The following NLGN1 variants were observed in gnomAD, a reference collection of about 807,000 sequenced individuals.
NLGN1 encodes the protein neuroligin 1.
In NLGN1, 12 loss-of-function variants were observed where a neutral mutation model predicts 65.5. The ratio of observed to expected loss-of-function variants is 0.18; its 90% CI spans 0.12 to 0.30. NLGN1 has a LOEUF of 0.30. NLGN1 is among the 10% of genes least tolerant of loss of function. The pLI, the probability that NLGN1 is intolerant of heterozygous loss-of-function variation, is 1.00. For synonymous variants in NLGN1, 350 were observed against 359.5 expected (o/e 0.97, Z 0.30); for missense variants, 750 against 1,007.1 (o/e 0.74, Z 3.46).
At chr3:174,066,374 T>C (rs1454378548) in intron 4 of NLGN1, among the ~76,000 whole-genome samples, 1 of 152,100 alleles carries the variant, frequency 6.6e-6, no homozygotes, top group Non-Finnish European at 1.5e-5. Context: ...AGATAAGGTA[T>C]TTATTTCAAA....
rs184031587 is a variant in NLGN1, at chr3:174,055,620, C to T, written c.647-219695C>T. 7.9e-5 allele frequency among the ~76,000 whole-genome samples: 12 copies of T among 152,118 alleles called. 1 individual carries two copies. The East Asian group carries it at 2.3e-3, about 29-fold the overall frequency. On this transcript the variant is annotated intron_variant, in intron 4 of 6. Transcript: ENST00000457714. ...CATTCCTGTGTTCAGTCCACAGCTC[C>T]TAAGCAACAATTGAATGCCATATAC...
intron 4 of NLGN1, among the ~76,000 whole-genome samples, chr3:174,176,015 C>T (rs73035664): frequency 0.016 from 2,289 of 143,150 alleles, 57 homozygotes; most frequent in African/African-American, 0.053. Context: ...CCTACTTAAA[C>T]ATAAACAACT....
At chr3:174,281,314 GAAAC>G in exon 7 of NLGN1, 1 of 1,563,352 alleles carries the variant, frequency 6.4e-7, no homozygotes, top group Non-Finnish European at 8.8e-7. Flanking sequence ...CCAGATAAGA[GAAAC>G]AAACTATTTT....
chr3:173,829,739 G>T (rs1289365229), intron 4 of NLGN1, among the ~76,000 whole-genome samples: 1 of 152,056 alleles, frequency 6.6e-6, no homozygotes, highest in African/African-American at 2.4e-5. Context: ...TCTGTGCTCT[G>T]GTAGAATTTA....
At chr3:174,275,429 G>T in exon 5 of NLGN1, 1 of 1,612,628 alleles carries the variant, frequency 6.2e-7, no homozygotes, top group Non-Finnish European at 8.5e-7. Context: ...GACCCCTTAA[G>T]AATCACTGTT....
chr3:173,610,248 T>C (rs1752080205), intron 3 of NLGN1, among the ~76,000 whole-genome samples: 1 of 151,944 alleles, frequency 6.6e-6, no homozygotes, highest in Admixed American at 6.6e-5. Context: ...ATGTTTTTTA[T>C]CTGAATACCT....
intron 3 of NLGN1, chr3:173,695,557 C>G: frequency 2.9e-6 from 1 of 346,830 alleles, no homozygotes; most frequent in Non-Finnish European, 5.7e-6. Context: ...TTTTTCAGTG[C>G]CTCTTACACT....
intron 3 of NLGN1, among the ~76,000 whole-genome samples, chr3:173,713,298 T>C (rs1321600287): frequency 6.6e-6 from 1 of 152,170 alleles, no homozygotes. Flanking sequence ...GTTTTCTTTA[T>C]GCAATGAAAT....
In NLGN1 at chr3:173,802,901, G is replaced by A. The variant is rs558119939; in HGVS notation, c.494-4779G>A. Among the ~76,000 whole-genome samples, 21 of 151,268 alleles carry A rather than the reference G, an allele frequency of 1.4e-4. No individual in the cohort carries two copies. In the East Asian group the frequency reaches 2.7e-3, roughly 20 times the overall value. ...GTCATGGAGACTGGAGGGCAGTGGC[G>A]TGATCTTGGCTCACTGCAACCTCCG... On this transcript the variant is annotated intron_variant, in intron 3 of 6. Transcript: ENST00000457714.
At chr3:174,118,430 G>T (rs1717025206) in intron 4 of NLGN1, among the ~76,000 whole-genome samples, 1 of 151,968 alleles carries the variant, frequency 6.6e-6, no homozygotes, top group South Asian at 2.1e-4. Context: ...CAGGCTCTGA[G>T]AATTAAAACA....
At chr3:174,131,184 A>C (rs2152671125) in intron 4 of NLGN1, among the ~76,000 whole-genome samples, 1 of 152,356 alleles carries the variant, frequency 6.6e-6, no homozygotes, top group South Asian at 2.1e-4. Context: ...TAATGTACGA[A>C]ATACATGGAA....
intron 4 of NLGN1, among the ~76,000 whole-genome samples, chr3:173,998,410 G>A (rs1018604899): frequency 2.6e-5 from 4 of 152,144 alleles, no homozygotes; most frequent in African/African-American, 7.2e-5. Flanking sequence ...GAGGTAATTC[G>A]TAATGTTCTG....
At chr3:173,432,787 T>C (rs1255787852) in intron 1 of NLGN1, among the ~76,000 whole-genome samples, 1 of 152,148 alleles carries the variant, frequency 6.6e-6, no homozygotes, top group African/African-American at 2.4e-5. Context: ...TAAAAGTTAA[T>C]GCCAAACCCA....
chr3:174,191,333 G>A (rs1462590429), intron 4 of NLGN1, among the ~76,000 whole-genome samples: 2 of 152,110 alleles, frequency 1.3e-5, no homozygotes, highest in African/African-American at 2.4e-5. Flanking sequence ...TTATGCATGC[G>A]AGGGAATCAA....
intron 3 of NLGN1, among the ~76,000 whole-genome samples, chr3:173,788,407 T>G (rs1711781221): frequency 1.3e-5 from 2 of 151,966 alleles, no homozygotes; most frequent in South Asian, 4.1e-4. Context: ...AATTAACCTA[T>G]TTTTTTAGTT....
chr3:173,952,963 G>C (rs1368130020), intron 4 of NLGN1, among the ~76,000 whole-genome samples: 1 of 152,014 alleles, frequency 6.6e-6, no homozygotes, highest in Non-Finnish European at 1.5e-5. Flanking sequence ...ATCTTTAGTA[G>C]AGACGGGGTT....
At chr3:174,079,193 A>G (rs531367216) in intron 4 of NLGN1, among the ~76,000 whole-genome samples, 1 of 148,232 alleles carries the variant, frequency 6.7e-6, no homozygotes, top group African/African-American at 2.6e-5. Context: ...AATTTACAAG[A>G]AAAAAAAAAC....
intron 3 of NLGN1, among the ~76,000 whole-genome samples, chr3:173,762,356 A>T (rs1333730742): frequency 6.6e-6 from 1 of 152,058 alleles, no homozygotes; most frequent in Admixed American, 6.6e-5. Context: ...TAAACTTGGG[A>T]TCTGCTATAA....
intron 4 of NLGN1, among the ~76,000 whole-genome samples, chr3:173,987,576 A>G (rs1319191070): frequency 1.3e-5 from 2 of 152,168 alleles, no homozygotes; most frequent in African/African-American, 2.4e-5. Flanking sequence ...TTCTCTGTTT[A>G]TAGTTTCTAT....
Sources: allele counts gnomAD v4.1 joint callset (sites outside exome capture counted in the v4.1 genomes callset), GRCh38; gene constraint gnomAD v4.1.1; transcripts MANE v1.5; gene names NCBI Gene and HGNC (gene_info 2026-07-23, HGNC 2026-07-21).